SPMAP2: variants seen among roughly 807,000 people sequenced by gnomAD.
SPMAP2 encodes sperm microtubule associated protein 2.
At chr19:363,922 G>A in the SPMAP2 span, among the ~76,000 whole-genome samples, 1 of 151,930 alleles carries the variant, frequency 6.6e-6, no homozygotes, top group East Asian at 1.9e-4. Context: ...CACCTGACTT[G>A]AACTGCTGGG....
At chr19:372,340 T>G in the SPMAP2 span, among the ~76,000 whole-genome samples, 8 of 152,224 alleles carry the variant, frequency 5.3e-5, no homozygotes, top group Non-Finnish European at 1.2e-4. Flanking sequence ...GGTGATAACA[T>G]CTGAGCACGC....
the SPMAP2 span, among the ~76,000 whole-genome samples, chr19:370,820 A>G: frequency 6.6e-6 from 1 of 151,790 alleles, no homozygotes; most frequent in Non-Finnish European, 1.5e-5. Context: ...AGCCGGGTCA[A>G]GCCCGCAGGC....
At chr19:374,257 C>T in the SPMAP2 span, 18 of 1,606,762 alleles carry the variant, frequency 1.1e-5, no homozygotes, top group African/African-American at 9.4e-5. Flanking sequence ...GAGAAAGCCG[C>T]CCACGCTGCC....
chr19:372,764 T>C, the SPMAP2 span: 1 of 1,515,942 alleles, frequency 6.6e-7, no homozygotes, highest in African/African-American at 1.4e-5. Context: ...TCCCAGGGGC[T>C]TCTGCATGCG....
At chr19:371,246 G>A in the SPMAP2 span, 2 of 1,513,498 alleles carry the variant, frequency 1.3e-6, no homozygotes, top group South Asian at 1.3e-5. Flanking sequence ...CGAATCTTCG[G>A]GGCGGCCAGT....
chr19:371,433 T>C, the SPMAP2 span: 1 of 504,288 alleles, frequency 2.0e-6, no homozygotes, highest in Non-Finnish European at 3.5e-6. Context: ...TCCCAGCTCC[T>C]CCATATGTGT....
chr19:362,858 G>A, the SPMAP2 span, among the ~76,000 whole-genome samples: 3 of 151,504 alleles, frequency 2.0e-5, no homozygotes, highest in Non-Finnish European at 4.4e-5. Context: ...TCCACTCAGA[G>A]TGGAATATGA....
At chr19:374,386 G>C in the SPMAP2 span, 11 of 1,614,128 alleles carry the variant, frequency 6.8e-6, no homozygotes, top group Non-Finnish European at 8.5e-6. Context: ...TTTGGTCATG[G>C]TGGTGCTGGG....
At chr19:372,364 C>G in the SPMAP2 span, among the ~76,000 whole-genome samples, 23 of 152,246 alleles carry the variant, frequency 1.5e-4, no homozygotes, top group Non-Finnish European at 3.1e-4. Flanking sequence ...GTGTCAGGCG[C>G]TGTGCAAATC....
At chr19:362,352 C>T in the SPMAP2 span, 1 of 1,609,600 alleles carries the variant, frequency 6.2e-7, no homozygotes, top group Non-Finnish European at 8.5e-7. Context: ...CTGGCCACCA[C>T]CTTCTTGGTG....
At chr19:373,567 G>A in the SPMAP2 span, 4 of 1,603,988 alleles carry the variant, frequency 2.5e-6, no homozygotes, top group African/African-American at 1.3e-5. Context: ...AAGGGAGGCA[G>A]AGAGCCCTGG....
At chr19:372,762 G>T in the SPMAP2 span, 1 of 1,513,574 alleles carries the variant, frequency 6.6e-7, no homozygotes, top group Non-Finnish European at 9.2e-7. Context: ...GTTCCCAGGG[G>T]CTTCTGCATG....
the SPMAP2 span, among the ~76,000 whole-genome samples, chr19:364,135 C>T: frequency 1.6e-4 from 24 of 150,492 alleles, no homozygotes; most frequent in Admixed American, 6.6e-4. Context: ...AGATCGAGAC[C>T]ATCCTGGCTC....
At chr19:375,642 G>T in the SPMAP2 span, 2 of 1,535,152 alleles carry the variant, frequency 1.3e-6, no homozygotes, top group South Asian at 1.3e-5. Flanking sequence ...CACCCAGGCA[G>T]GCCCGTTCCC....
chr19:375,530 T>G, the SPMAP2 span: 1 of 1,025,424 alleles, frequency 9.8e-7, no homozygotes, highest in Middle Eastern at 3.0e-4. Context: ...GCCGGGCCCC[T>G]CGGGAGCAGC....
chr19:364,261 C>T, the SPMAP2 span, among the ~76,000 whole-genome samples: 29 of 144,552 alleles, frequency 2.0e-4, no homozygotes, highest in African/African-American at 6.8e-4. Flanking sequence ...GGCGTGAACC[C>T]GGGAGGCGGA....
the SPMAP2 span, among the ~76,000 whole-genome samples, chr19:370,055 G>A: frequency 2.0e-5 from 3 of 152,110 alleles, no homozygotes; most frequent in East Asian, 1.9e-4. Flanking sequence ...AGGATACGGC[G>A]CACCTGGGCT....
the SPMAP2 span, among the ~76,000 whole-genome samples, chr19:364,111 A>T: frequency 2.0e-5 from 3 of 151,094 alleles, no homozygotes; most frequent in Admixed American, 2.0e-4. Context: ...AGGCGGGCGG[A>T]TCACAAGGTC....
the SPMAP2 span, among the ~76,000 whole-genome samples, chr19:368,863 C>T: frequency 6.6e-6 from 1 of 152,182 alleles, no homozygotes; most frequent in South Asian, 2.1e-4. This position sits in a 1 kb window ranked among gnomAD's most constrained non-coding sequence, Gnocchi z 4.1. Context: ...CAGCTCAGGC[C>T]GGGCTGCTGA....
Sources: allele counts gnomAD v4.1 joint callset (sites outside exome capture counted in the v4.1 genomes callset), GRCh38; gene constraint gnomAD v4.1.1; non-coding constraint Gnocchi (gnomAD v3.1); transcripts MANE v1.5; gene names NCBI Gene and HGNC (gene_info 2026-07-23, HGNC 2026-07-21).